Variants in ABCB1 observed in about 807,000 individuals in gnomAD.
ABCB1 encodes the protein ATP-dependent translocase ABCB1.
ABCB1 carries 69 observed loss-of-function variants against 142.0 expected under a neutral mutation model. The ratio of observed to expected loss-of-function variants is 0.49; its 90% CI spans 0.40 to 0.59. The LOEUF (loss-of-function observed/expected upper bound fraction) is 0.59. Ranked by LOEUF, ABCB1 falls within the 20% of genes least tolerant of loss-of-function variation. The pLI is 0.00. For synonymous variants in ABCB1, 532 were observed against 539.2 expected, an observed-to-expected ratio of 0.99 and a Z score of 0.18; for missense variants, 1,326 against 1,554.7, an observed-to-expected ratio of 0.85 and a Z score of 2.47.
At chr7:87,597,666 A>G (rs899073593) in intron 2 of ABCB1, among the ~76,000 whole-genome samples, 2 of 152,144 alleles carry the variant, frequency 1.3e-5, no homozygotes, top group African/African-American at 4.8e-5. Context: ...GTTAAAAACA[A>G]AAAGTGGAAT....
chr7:87,612,613 G>A (rs1819891401), intron 1 of ABCB1, among the ~76,000 whole-genome samples: 1 of 151,876 alleles, frequency 6.6e-6, no homozygotes, highest in Non-Finnish European at 1.5e-5. Context: ...CTGTTCTATT[G>A]GTCTATATAT....
At chr7:87,505,157 T>A (rs974569963) in intron 27 of ABCB1, among the ~76,000 whole-genome samples, 11 of 152,104 alleles carry the variant, frequency 7.2e-5, no homozygotes, top group Non-Finnish European at 1.5e-5. Flanking sequence ...AGAGACAATG[T>A]CTCTCTGTGT....
chr7:87,702,577 A>G (rs1201190407), intron 1 of ABCB1, among the ~76,000 whole-genome samples: 1 of 152,090 alleles, frequency 6.6e-6, no homozygotes, highest in East Asian at 1.9e-4. Context: ...ACCATGACCA[A>G]CTCATTATTT....
At chr7:87,613,947 T>G (rs971773541) in intron 1 of ABCB1, among the ~76,000 whole-genome samples, 3 of 152,248 alleles carry the variant, frequency 2.0e-5, no homozygotes, top group African/African-American at 7.2e-5. Flanking sequence ...TTTGGAAAGT[T>G]TATTCTTATT....
At chr7:87,544,009 T>G in intron 17 of ABCB1, 120 bp downstream of exon 17, 1 of 1,233,712 alleles carries the variant, frequency 8.1e-7, no homozygotes, top group Non-Finnish European at 1.2e-6. Context: ...GCCAATTAGT[T>G]TCATATGGAG....
intron 19 of ABCB1, 103 bp from the exon 20 acceptor site, chr7:87,536,644 G>T: frequency 1.1e-6 from 1 of 910,788 alleles, no homozygotes; most frequent in Non-Finnish European, 1.8e-6. Context: ...TATACCCCCT[G>T]CATTTAGTAC....
chr7:87,550,033 TA>T lies in ABCB1; in HGVS notation c.1371del (p.Asp457GlufsTer5). The T allele has an allele frequency of 6.2e-7, 1 of 1,614,234 alleles. No homozygotes were observed. Among genetic ancestry groups the T allele is most frequent in the East Asian group, 2.2e-5 (1 of 44,892 alleles). Reference sequence around the variant, plus strand: ...AGAAACCTTACATTTATGGTCCTAATATCCTGTCCATCAACACTGACCTGGA... The same window carrying T: ...AGAAACCTTACATTTATGGTCCTAATTCCTGTCCATCAACACTGACCTGGA... ...TEGMVSVDGQ[D>X]IRTINVRFLR... On this transcript the variant is annotated frameshift_variant, in exon 13 of 28. Transcript: ENST00000622132. LOFTEE classifies it high-confidence loss of function.
At chr7:87,581,274 T>C (rs1818495014) in intron 4 of ABCB1, among the ~76,000 whole-genome samples, 1 of 152,082 alleles carries the variant, frequency 6.6e-6, no homozygotes, top group Non-Finnish European at 1.5e-5. Context: ...CTGTTCTTTA[T>C]GCCAAGATTT....
chr7:87,553,409 C>T (rs1343670223), intron 9 of ABCB1, among the ~76,000 whole-genome samples: 2 of 151,250 alleles, frequency 1.3e-5, no homozygotes, highest in East Asian at 1.9e-4. Flanking sequence ...CAAGCTCCGC[C>T]TCCCGGGTTA....
At chr7:87,625,049 GA>G (rs1476343580) in intron 1 of ABCB1, among the ~76,000 whole-genome samples, 1 of 152,200 alleles carries the variant, frequency 6.6e-6, no homozygotes, top group Non-Finnish European at 1.5e-5. Context: ...GAGGTCAGGA[GA>G]TCGAGACCAT....
At chr7:87,655,789 C>G (rs777888034) in intron 1 of ABCB1, among the ~76,000 whole-genome samples, 1 of 152,046 alleles carries the variant, frequency 6.6e-6, no homozygotes, top group Non-Finnish European at 1.5e-5. Context: ...GGAAACTTAA[C>G]CCCCTGTCCA....
At chr7:87,594,664 T>C (rs1819123722) in intron 3 of ABCB1, among the ~76,000 whole-genome samples, 1 of 152,112 alleles carries the variant, frequency 6.6e-6, no homozygotes, top group Admixed American at 6.6e-5. Flanking sequence ...ATGACTCAAG[T>C]ACATAGTCTC....
Position 87,516,543 on chromosome 7 carries a change from A to C in ABCB1, c.3050T>G (p.Leu1017Trp). The C allele has an allele frequency of 1.4e-5, 23 of 1,614,202 alleles. No individual in the cohort carries two copies. Among genetic ancestry groups the C allele is most frequent in the Non-Finnish European group, 1.8e-5 (21 of 1,180,034 alleles). Residue 1017 changes from leucine (L) to tryptophan (W), a missense_variant, in exon 24 of 28, where the codon TTG (leucine) becomes TGG (tryptophan). Coordinates refer to ENST00000622132, the MANE Select transcript of ABCB1 (RefSeq NM_001348946.2). ...GCCTTCCGTGCTGTAGCTGTCAATC[A>C]AAGGGGTTTTTTCAATGATCATGAT... Reference protein sequence around the residue: ...HIIMIIEKTPLIDSYSTEGLM... With the variant: ...HIIMIIEKTPWIDSYSTEGLM...
At chr7:87,709,492 AG>A (rs1311859727) in intron 1 of ABCB1, 2 of 985,296 alleles carry the variant, frequency 2.0e-6, no homozygotes, top group Non-Finnish European at 2.4e-6. Context: ...GCAAGCTAAA[AG>A]GGATGTTGAG....
chr7:87,549,654 C>T (rs1168396302), intron 13 of ABCB1, 136 bp from the exon 14 acceptor site: 4 of 1,433,654 alleles, frequency 2.8e-6, no homozygotes, highest in East Asian at 4.6e-5. Context: ...TTATTTAACA[C>T]AATAACCAAC....
In ABCB1 at chr7:87,516,708, A is replaced by G; in HGVS notation, c.2928-43T>C. 2.6e-6 allele frequency: 4 copies of G among 1,531,318 alleles called. 1 individual carries two copies. Among genetic ancestry groups the G allele is most frequent in the Non-Finnish European group, 3.6e-6 (4 of 1,117,328 alleles). 94.9% of individuals were successfully genotyped at this position (1,531,318 alleles called of 1,614,324 possible). A position where few individuals can be genotyped will look rare whatever the true frequency, so the allele number is the denominator to read the frequency against. The stretch of plus-strand genomic sequence containing the variant: ...AAAACATGTGCACAGCATTACCATC[A>G]CAATGCTAGAAAGCTGACACTCCTT... On this transcript the variant is annotated intron_variant, in intron 23 of 27. Coordinates refer to ENST00000622132, the MANE Select transcript of ABCB1 (RefSeq NM_001348946.2).
chr7:87,703,914 G>GTTTTT (rs35797972), intron 1 of ABCB1, among the ~76,000 whole-genome samples: 493 of 42,968 alleles, frequency 0.011, 1 homozygote, highest in Non-Finnish European at 0.012. Flanking sequence ...TTTTTTTTTG[G>GTTTTT]TTTTTTTTTT....
chr7:87,538,009 G>A (rs1181761190), intron 19 of ABCB1, among the ~76,000 whole-genome samples: 1 of 152,198 alleles, frequency 6.6e-6, no homozygotes, highest in African/African-American at 2.4e-5. Context: ...GGTTAAAAGT[G>A]TCTCCACACA....
chr7:87,650,809 CT>C, intron 1 of ABCB1: 1 of 1,534,672 alleles, frequency 6.5e-7, no homozygotes, highest in Non-Finnish European at 9.0e-7. Context: ...CAACAATAAT[CT>C]TTTTTTCATA....
Sources: gnomAD v4.1 joint callset for allele counts (sites outside exome capture counted in the v4.1 genomes callset) on GRCh38, gnomAD v4.1.1 for gene constraint, MANE v1.5 for transcripts, NCBI Gene and HGNC (gene_info 2026-07-23, HGNC 2026-07-21) for gene names.